IQCM: variants seen among roughly 807,000 people sequenced by gnomAD.
IQCM encodes IQ domain-containing protein M.
Under a neutral mutation model 57.6 loss-of-function variants are expected in IQCM, and 45 were observed. The ratio of observed to expected loss-of-function variants is 0.78; its 90% CI spans 0.62 to 1.00. The LOEUF (loss-of-function observed/expected upper bound fraction) is 1.00, where lower values mean the gene tolerates loss of function less well. IQCM is among the 50% of genes least tolerant of loss of function. The pLI is 0.00. For missense variants in IQCM, 468 were observed against 511.6 expected (o/e 0.91, Z 0.82); for synonymous variants, 148 against 158.9 (o/e 0.93, Z 0.51).
chr4:149,362,708 A>C (rs982772092), intron 13 of IQCM, among the ~76,000 whole-genome samples: 8 of 152,182 alleles, frequency 5.3e-5, no homozygotes, highest in African/African-American at 1.9e-4. Context: ...AGCAGGCTAA[A>C]AACAGACTAA....
intron 9 of IQCM, among the ~76,000 whole-genome samples, chr4:149,576,647 G>A (rs550044105): frequency 6.4e-4 from 98 of 151,946 alleles, no homozygotes; most frequent in Non-Finnish European, 1.2e-3. Context: ...ATCCACCACT[G>A]ATGGACATTT....
At chr4:149,762,684 G>A (rs765419541) in intron 2 of IQCM, among the ~76,000 whole-genome samples, 6 of 152,068 alleles carry the variant, frequency 3.9e-5, no homozygotes, top group Non-Finnish European at 7.4e-5. Flanking sequence ...TTTGGGTGGA[G>A]TTCCACATGA....
At chr4:149,734,891 A>T (rs921224221) in intron 4 of IQCM, among the ~76,000 whole-genome samples, 2 of 152,206 alleles carry the variant, frequency 1.3e-5, no homozygotes, top group Admixed American at 6.5e-5. Context: ...CTAGAGATAC[A>T]GCATTCAAAA....
At chr4:149,814,255 T>A (rs900252825) in intron 2 of IQCM, among the ~76,000 whole-genome samples, 11 of 152,046 alleles carry the variant, frequency 7.2e-5, no homozygotes, top group Non-Finnish European at 1.3e-4. Context: ...CAAATGTCTA[T>A]CAAATACTGG....
At chr4:149,527,076 C>G (rs1057206870) in intron 12 of IQCM, among the ~76,000 whole-genome samples, 2 of 152,120 alleles carry the variant, frequency 1.3e-5, no homozygotes, top group African/African-American at 4.8e-5. Flanking sequence ...TCAGCGAGAA[C>G]TAACGGGAAT....
chr4:149,656,664 G>A (rs530676538), intron 7 of IQCM, among the ~76,000 whole-genome samples: 22 of 152,170 alleles, frequency 1.4e-4, no homozygotes, highest in Admixed American at 6.6e-4. Context: ...TCAGAAGACC[G>A]GGAAAAACAA....
chr4:149,421,337 A>C (rs1734108285), intron 13 of IQCM, among the ~76,000 whole-genome samples: 1 of 152,060 alleles, frequency 6.6e-6, no homozygotes, highest in Non-Finnish European at 1.5e-5. Context: ...ACACTGAAAA[A>C]AAAGTGGGCC....
intron 8 of IQCM, among the ~76,000 whole-genome samples, chr4:149,614,985 C>A (rs985938992): frequency 2.0e-5 from 3 of 152,198 alleles, no homozygotes; most frequent in Non-Finnish European, 4.4e-5. Context: ...AGTTATTTCA[C>A]TCTCTTCTGT....
chr4:149,509,728 T>C (rs1457252816), intron 12 of IQCM, among the ~76,000 whole-genome samples: 1 of 152,102 alleles, frequency 6.6e-6, no homozygotes, highest in African/African-American at 2.4e-5. Context: ...TAAATATATA[T>C]CATTAAATTT....
intron 12 of IQCM, among the ~76,000 whole-genome samples, chr4:149,481,747 C>G (rs1364272640): frequency 6.8e-5 from 2 of 29,508 alleles, no homozygotes; most frequent in African/African-American, 3.2e-4. Context: ...ACAGCTTTGG[C>G]TATTCTGGGT....
At chr4:149,612,442 T>A (rs899497792) in intron 8 of IQCM, among the ~76,000 whole-genome samples, 12 of 152,168 alleles carry the variant, frequency 7.9e-5, no homozygotes, top group Non-Finnish European at 1.6e-4. Context: ...GTCACACTTT[T>A]AGACACAGAT....
At chr4:149,378,579 G>A (rs887809116) in intron 13 of IQCM, among the ~76,000 whole-genome samples, 12 of 152,104 alleles carry the variant, frequency 7.9e-5, no homozygotes, top group Non-Finnish European at 1.3e-4. Flanking sequence ...TTGAACTTGA[G>A]AGAGAGAACT....
At position 149,749,111 on chromosome 4, in the gene IQCM, C is replaced by T. The variant is rs143054737; in HGVS notation, c.-48-6372G>A. ...AACTACTGAAATATTCACACACTGC[C>T]TGTTGCAGTGTTAGTTGGTAGTCTT... On this transcript the variant is annotated intron_variant, in intron 2 of 13. Transcript: ENST00000636793. Among the ~76,000 whole-genome samples the T allele has an allele frequency of 9.8e-4, 149 of 152,296 alleles. 1 individual carries two copies. Among genetic ancestry groups the T allele is most frequent in the Non-Finnish European group, 1.6e-3 (109 of 68,004 alleles).
chr4:149,808,296 T>C (rs1774259913), intron 2 of IQCM, among the ~76,000 whole-genome samples: 1 of 152,104 alleles, frequency 6.6e-6, no homozygotes, highest in African/African-American at 2.4e-5. Context: ...TTATGTTAAG[T>C]GAAATAAGCC....
chr4:149,555,440 G>C (rs1749487590), intron 10 of IQCM, among the ~76,000 whole-genome samples: 1 of 152,252 alleles, frequency 6.6e-6, no homozygotes, highest in Middle Eastern at 3.4e-3. Flanking sequence ...ATGCTTTTAA[G>C]AGTGAAACAG....
intron 2 of IQCM, among the ~76,000 whole-genome samples, chr4:149,769,846 A>C (rs1770406538): frequency 2.6e-5 from 4 of 152,082 alleles, no homozygotes; most frequent in Admixed American, 2.6e-4. Context: ...ATGGTTGGAA[A>C]GTTGAATATT....
At chr4:149,656,039 C>T (rs71618324) in intron 7 of IQCM, among the ~76,000 whole-genome samples, 2 of 152,104 alleles carry the variant, frequency 1.3e-5, no homozygotes, top group Non-Finnish European at 2.9e-5. Flanking sequence ...AAGCCAGATA[C>T]TTGTGAGGCT....
chr4:149,609,816 T>C (rs548203247), intron 8 of IQCM, among the ~76,000 whole-genome samples: 110 of 151,952 alleles, frequency 7.2e-4, no homozygotes, highest in African/African-American at 2.0e-3. Context: ...TTTCCTCTAA[T>C]ATCTGGGATA....
intron 12 of IQCM, among the ~76,000 whole-genome samples, chr4:149,524,392 G>A (rs1274582727): frequency 6.6e-6 from 1 of 152,086 alleles, no homozygotes; most frequent in Non-Finnish European, 1.5e-5. Flanking sequence ...TGCACTGTAA[G>A]ATTTAAGACT....
Sources: allele counts gnomAD v4.1 joint callset (sites outside exome capture counted in the v4.1 genomes callset), GRCh38; gene constraint gnomAD v4.1.1; transcripts MANE v1.5; gene names NCBI Gene and HGNC (gene_info 2026-07-23, HGNC 2026-07-21).